The following NFATC3 variants were observed in gnomAD, a reference collection of about 807,000 sequenced individuals.
The protein encoded by NFATC3 is nuclear factor of activated T-cells, cytoplasmic 3.
A neutral mutation model predicts 98.6 loss-of-function variants in NFATC3; 46 were observed. The ratio of observed to expected loss-of-function variants is 0.47; its 90% CI spans 0.37 to 0.60. NFATC3 has a LOEUF of 0.60. Ranked by LOEUF, NFATC3 falls within the 20% of genes least tolerant of loss-of-function variation. The probability of loss-of-function intolerance (pLI) is 0.00; values close to 1 mark genes in which losing one functional copy is unlikely to be tolerated. For synonymous variants in NFATC3, 512 were observed against 472.2 expected (o/e 1.08, Z -1.09); for missense variants, 1,256 against 1,295.5 (o/e 0.97, Z 0.47).
At chr16:68,144,605 A>G (rs1220511436) in intron 3 of NFATC3, among the ~76,000 whole-genome samples, 1 of 152,030 alleles carries the variant, frequency 6.6e-6, no homozygotes, top group East Asian at 1.9e-4. Context: ...TTGCCCTCCT[A>G]AAGTGCTGAG....
Position 68,227,445 on chromosome 16 carries a change from T to C in NFATC3, c.*974T>C, listed in dbSNP as rs893267570. ...TTAGGCAGCTTTGCAGTTCTAACTC[T>C]AGCTAGAGGCCAGGCTGTGTGCAGA... On this transcript the variant is annotated 3_prime_UTR_variant, in exon 10 of 10. Transcript: ENST00000346183. 3.3e-5 allele frequency: 5 copies of C among 152,230 alleles called. No individual in the cohort carries two copies. Among genetic ancestry groups the C allele is most frequent in the African/African-American group, 4.8e-5 (2 of 41,442 alleles). The allele number at this position is 152,230 out of a possible 1,614,324, so 9.4% of individuals were successfully genotyped here. A position where few individuals can be genotyped will look rare whatever the true frequency, so the allele number is the denominator to read the frequency against.
In NFATC3 at chr16:68,227,723, A is replaced by T. The variant is rs1206262987; in HGVS notation, c.*1252A>T. The T allele has an allele frequency of 6.6e-6, 1 of 151,940 alleles. No individual in the cohort carries two copies. Among genetic ancestry groups the T allele is most frequent in the Non-Finnish European group, 1.5e-5 (1 of 67,988 alleles). 9.4% of individuals were successfully genotyped at this position (151,940 alleles called of 1,614,324 possible). ...ACACCCTGGTGCTGCTGCTGGTGAG[A>T]CTGGTGTCCAAGGCAGGGCCCAGCA... is the stretch of plus-strand genomic sequence containing the variant. On this transcript the variant is annotated 3_prime_UTR_variant, in exon 10 of 10. Coordinates refer to ENST00000346183, the MANE Select transcript of NFATC3 (RefSeq NM_173165.3).
chr16:68,224,205 A>G (rs2041965735), intron 9 of NFATC3, among the ~76,000 whole-genome samples: 1 of 149,394 alleles, frequency 6.7e-6, no homozygotes, highest in African/African-American at 2.4e-5. Flanking sequence ...TGTTTTGCAG[A>G]GTCCTTTGGC....
At chr16:68,088,844 A>G (rs2093741006) in intron 1 of NFATC3, 2 of 336,210 alleles carry the variant, frequency 5.9e-6, no homozygotes, top group African/African-American at 4.5e-5. Context: ...CAATATATAT[A>G]TTTTTAAATA....
intron 8 of NFATC3, among the ~76,000 whole-genome samples, chr16:68,189,070 T>C (rs1168712004): frequency 2.0e-5 from 3 of 152,210 alleles, no homozygotes; most frequent in African/African-American, 7.2e-5. Flanking sequence ...GAAAAGACTG[T>C]TCTTTCCCCC....
At chr16:68,095,141 C>T (rs1347153404) in intron 1 of NFATC3, among the ~76,000 whole-genome samples, 1 of 151,852 alleles carries the variant, frequency 6.6e-6, no homozygotes, top group Non-Finnish European at 1.5e-5. Context: ...AGGGGGTCAA[C>T]CAAAAGAATT....
chr16:68,179,142 C>G (rs2039846849), intron 6 of NFATC3, among the ~76,000 whole-genome samples: 1 of 152,156 alleles, frequency 6.6e-6, no homozygotes, highest in Admixed American at 6.6e-5. Context: ...TGAGTTCTGT[C>G]TCATGTTAAG....
At chr16:68,165,981 G>T (rs1232725708) in intron 4 of NFATC3, among the ~76,000 whole-genome samples, 1 of 152,254 alleles carries the variant, frequency 6.6e-6, no homozygotes, top group Non-Finnish European at 1.5e-5. Flanking sequence ...GTTAGCAGAT[G>T]ATGAAATGTT....
chr16:68,174,553 G>T (rs1247209317), intron 6 of NFATC3, 39 bp downstream of exon 6: 1 of 1,455,800 alleles, frequency 6.9e-7, no homozygotes. Flanking sequence ...AAACTAAGGG[G>T]CAAAGGGTAA....
chr16:68,141,422 C>T (rs1388841774), intron 3 of NFATC3, among the ~76,000 whole-genome samples: 1 of 152,154 alleles, frequency 6.6e-6, no homozygotes, highest in Non-Finnish European at 1.5e-5. Context: ...ATTTACATTC[C>T]CATCAGCAGT....
chr16:68,180,282 T>G (rs2039900139), intron 6 of NFATC3, among the ~76,000 whole-genome samples: 1 of 152,262 alleles, frequency 6.6e-6, no homozygotes, highest in East Asian at 1.9e-4. Flanking sequence ...AATCAAGATT[T>G]TATTTTGTGA....
chr16:68,126,693 G>C (rs149833728), intron 3 of NFATC3, 83 bp downstream of exon 3: 1 of 1,381,054 alleles, frequency 7.2e-7, no homozygotes, highest in African/African-American at 1.4e-5. Context: ...GTACTAGAGA[G>C]TGCAAAGAGC....
intron 3 of NFATC3, among the ~76,000 whole-genome samples, chr16:68,135,090 T>C (rs1432870432): frequency 6.6e-6 from 1 of 152,060 alleles, no homozygotes. Flanking sequence ...ACGATATCTT[T>C]GTGTTGGTGG....
intron 9 of NFATC3, among the ~76,000 whole-genome samples, chr16:68,207,926 T>TC (rs60249778): frequency 0.23 from 34,768 of 152,080 alleles, 4,469 homozygotes; most frequent in African/African-American, 0.34. Context: ...TTAAGTTATA[T>TC]TCATTATAAT....
intron 3 of NFATC3, among the ~76,000 whole-genome samples, chr16:68,139,666 A>G (rs1321651290): frequency 2.6e-5 from 4 of 152,212 alleles, no homozygotes; most frequent in Non-Finnish European, 5.9e-5. Flanking sequence ...AATACCACCT[A>G]CCTTGTAGCC....
At chr16:68,212,376 T>A (rs1040451662) in intron 9 of NFATC3, 5 of 152,216 alleles carry the variant, frequency 3.3e-5, no homozygotes, top group African/African-American at 1.2e-4. Context: ...TAGTTAGTGT[T>A]CATAGAGACT....
Position 68,171,326 on chromosome 16 carries a change from TA to T in NFATC3, c.1775-3047del, listed in dbSNP as rs370618606. 6.5e-3 allele frequency among the ~76,000 whole-genome samples: 990 copies of T among 152,268 alleles called. 15 individuals carry two copies. Among genetic ancestry groups the T allele is most frequent in the African/African-American group, 0.023 (944 of 41,574 alleles). On this transcript the variant is annotated intron_variant, in intron 5 of 9. Coordinates refer to ENST00000346183, the MANE Select transcript of NFATC3 (RefSeq NM_173165.3). ...ACCCAGCCTGTGCACACTTTGCTGTTACTTAGAATGTACCTGTAATCAGTGT... is the reference window on the plus strand; with the variant it reads ...ACCCAGCCTGTGCACACTTTGCTGTTCTTAGAATGTACCTGTAATCAGTGT...
At position 68,179,783 on chromosome 16, in the gene NFATC3, G is replaced by A. The variant is rs1598518628; in HGVS notation, c.1916-1692G>A. 2.0e-5 allele frequency among the ~76,000 whole-genome samples: 3 copies of A among 152,274 alleles called. No individual in the cohort carries two copies. The South Asian group carries it at 6.2e-4, about 32-fold the overall frequency. ...TAGGAAACATTTTTTAGGACCATCA[G>A]TATCTAAAAAATATTTTGACAAGTC... On this transcript the variant is annotated intron_variant, in intron 6 of 9. Coordinates refer to ENST00000346183, the MANE Select transcript of NFATC3 (RefSeq NM_173165.3).
rs1156695264 is a variant in NFATC3 at position 68,191,673 on chromosome 16, T to G, written c.3004T>G (p.Ser1002Ala). 6.2e-7 allele frequency: 1 copy of G among 1,614,038 alleles called. No individual in the cohort carries two copies. Among genetic ancestry groups the G allele is most frequent in the Non-Finnish European group, 8.5e-7 (1 of 1,180,030 alleles). Reference sequence around the variant, plus strand: ...ATGTCACAGTTTGTGTGATCCAGCGTCATTTCCACCTGATGGGGCAACTGT... The same window carrying G: ...ATGTCACAGTTTGTGTGATCCAGCGGCATTTCCACCTGATGGGGCAACTGT... ...LICHSLCDPASFPPDGATVSI... is the reference protein window; with the variant it reads ...LICHSLCDPAAFPPDGATVSI... The change falls in exon 9 of 10, where the codon TCA becomes GCA. Residue 1002 changes from serine to alanine, a missense_variant. Ser to Ala is a moderately conservative substitution (Grantham distance 99). This residue lies in a region of NFATC3 where 636 missense variants were observed against 617.3 expected (regional missense o/e 1.03). Transcript: ENST00000346183.
Sources: allele counts gnomAD v4.1 joint callset (sites outside exome capture counted in the v4.1 genomes callset), GRCh38; gene constraint gnomAD v4.1.1; regional missense constraint gnomAD v4.1.1; transcripts MANE v1.5; gene names NCBI Gene and HGNC (gene_info 2026-07-23, HGNC 2026-07-21).